Variants in TTLL7 observed in about 807,000 individuals in gnomAD.
The protein encoded by TTLL7 is tubulin tyrosine ligase like 7.
A neutral mutation model predicts 120.2 loss-of-function variants in TTLL7; 53 were observed. That is an observed-to-expected ratio of 0.44 (90% confidence interval 0.35 to 0.55). The LOEUF is 0.55. Among genes scored for constraint, TTLL7 ranks in the 20% least tolerant of loss-of-function variants. The pLI, the probability that TTLL7 is intolerant of heterozygous loss-of-function variation, is 0.00. For synonymous variants in TTLL7, 353 were observed against 351.7 expected (o/e 1.00, Z -0.04); for missense variants, 803 against 1,054.7 (o/e 0.76, Z 3.31).
chr1:83,918,890 T>C (rs1413921878), intron 13 of TTLL7, among the ~76,000 whole-genome samples: 4 of 152,128 alleles, frequency 2.6e-5, no homozygotes, highest in Admixed American at 1.3e-4. Flanking sequence ...AAGTCTAAAA[T>C]AGAGAGCTCC....
At chr1:83,990,974 CA>C (rs1652940656) in intron 1 of TTLL7, among the ~76,000 whole-genome samples, 1 of 152,144 alleles carries the variant, frequency 6.6e-6, no homozygotes, top group African/African-American at 2.4e-5. Flanking sequence ...AATGGATAAA[CA>C]AATGTGGTAC....
At chr1:83,971,923 A>C (rs988639342) in intron 1 of TTLL7, among the ~76,000 whole-genome samples, 1 of 148,780 alleles carries the variant, frequency 6.7e-6, no homozygotes. Flanking sequence ...AGGGCCAAAG[A>C]TTTTTCATAT....
chr1:83,947,120 C>T lies in TTLL7; in HGVS notation c.506+4G>A. 1 of 1,565,058 alleles carries T rather than the reference C, an allele frequency of 6.4e-7. No homozygotes were observed. The highest frequency in any genetic ancestry group is 2.3e-5 in the East Asian group (1 of 43,406). ...TTATATATTCCAAATAAAAGCAAAC[C>T]TACCCATGACCCATTGCACCATTAG... is the stretch of plus-strand genomic sequence containing the variant. On this transcript the variant is annotated splice_donor_region_variant and intron_variant, in intron 6 of 20. Coordinates refer to ENST00000260505, the MANE Select transcript of TTLL7 (RefSeq NM_024686.6).
At chr1:83,906,247 C>T (rs972168509) in intron 17 of TTLL7, 82 bp downstream of exon 17, 42 of 1,184,494 alleles carry the variant, frequency 3.5e-5, no homozygotes, top group Non-Finnish European at 4.7e-5. Flanking sequence ...GAGCATAATG[C>T]CTTCAGGAAA....
chr1:83,900,369 T>C (rs1473911263), intron 18 of TTLL7, among the ~76,000 whole-genome samples: 3 of 151,946 alleles, frequency 2.0e-5, no homozygotes, highest in African/African-American at 7.2e-5. Context: ...ATCCATAAAT[T>C]TCTCAAGGGA....
At chr1:83,928,485 G>T (rs988548801) in intron 10 of TTLL7, among the ~76,000 whole-genome samples, 1 of 152,014 alleles carries the variant, frequency 6.6e-6, no homozygotes, top group Admixed American at 6.6e-5. Context: ...CCACATAACA[G>T]CATTTCAAAT....
Position 83,937,984 on chromosome 1 carries a change from G to A in TTLL7, c.756C>T (p.Ser252=), listed in dbSNP as rs150247543. The A allele has an allele frequency of 2.7e-5, 43 of 1,613,826 alleles. No individual in the cohort carries two copies. Among genetic ancestry groups the A allele is most frequent in the African/African-American group, 2.4e-4 (18 of 74,898 alleles). The change falls in exon 8 of 21, where the codon TCC becomes TCT. Residue 252 remains serine (S), a synonymous_variant. Coordinates refer to ENST00000260505, the MANE Select transcript of TTLL7 (RefSeq NM_024686.6). The part of the protein sequence containing the change: ...TQLYMHLTNY[S]VNKHNEHFER... ...CAAAATGCTCATTATGCTTGTTCAC[G>A]GAGTAGTTTGTCAGATGCATGTATA...
intron 10 of TTLL7, among the ~76,000 whole-genome samples, chr1:83,923,912 T>A (rs1375609476): frequency 1.3e-5 from 2 of 152,186 alleles, no homozygotes; most frequent in African/African-American, 4.8e-5. Flanking sequence ...TATAATTCCA[T>A]CCAAGGGATT....
chr1:83,996,055 G>A (rs1259450834), intron 1 of TTLL7, among the ~76,000 whole-genome samples: 3 of 151,888 alleles, frequency 2.0e-5, no homozygotes, highest in South Asian at 4.2e-4. Flanking sequence ...TTAAAACTAC[G>A]CATGAAAAAA....
Position 83,869,825 on chromosome 1 carries a change from G to T in TTLL7, c.*137C>A. On this transcript the variant is annotated 3_prime_UTR_variant, in exon 21 of 21. Transcript: ENST00000260505. ...AAATATATGTTATTAGGGTGCATATGTGCATATATTTTCACACATATATAT... is the reference window on the plus strand; with the variant it reads ...AAATATATGTTATTAGGGTGCATATTTGCATATATTTTCACACATATATAT... 1.3e-6 allele frequency: 1 copy of T among 757,314 alleles called. No homozygotes were observed. Among genetic ancestry groups the T allele is most frequent in the Non-Finnish European group, 2.0e-6 (1 of 500,230 alleles). The allele number at this position is 757,314 out of a possible 1,614,324, so 46.9% of individuals were successfully genotyped here.
At chr1:83,898,045 A>T (rs1486891824) in intron 18 of TTLL7, among the ~76,000 whole-genome samples, 1 of 151,876 alleles carries the variant, frequency 6.6e-6, no homozygotes, top group Non-Finnish European at 1.5e-5. Context: ...AAACAGATAC[A>T]TTTTTGTAAT....
chr1:83,907,652 C>T lies in TTLL7; in HGVS notation c.1796G>A (p.Arg599Lys), dbSNP rs1440218532. Residue 599 changes from arginine to lysine, a missense_variant, in exon 16 of 21, where the codon AGA becomes AAA. Arg to Lys is a conservative substitution (Grantham distance 26). Transcript: ENST00000260505. ...GGACCGAGGGCAGCTGACTGAACGT[C>T]TTATGGAGCCTATCAGTGATGGAGA... The part of the protein sequence containing the change: ...YKLIQQPSSI[R>K]RSVSCPRSIS... The T allele has an allele frequency of 1.9e-6, 3 of 1,612,462 alleles. No individual in the cohort carries two copies. The highest frequency in any genetic ancestry group is 2.5e-6 in the Non-Finnish European group (3 of 1,179,216).
chr1:83,966,853 A>G (rs1323570035), intron 1 of TTLL7, among the ~76,000 whole-genome samples: 2 of 152,134 alleles, frequency 1.3e-5, no homozygotes, highest in Non-Finnish European at 2.9e-5. Flanking sequence ...GCTGAAAGAA[A>G]AACCCAGAAA....
intron 7 of TTLL7, among the ~76,000 whole-genome samples, chr1:83,938,804 AAT>A (rs1647658768): frequency 6.6e-6 from 1 of 152,206 alleles, no homozygotes; most frequent in Admixed American, 6.5e-5. Flanking sequence ...ATCTATCTTT[AAT>A]TCCTACCCTC....
intron 18 of TTLL7, among the ~76,000 whole-genome samples, chr1:83,891,124 A>T (rs981218836): frequency 1.3e-5 from 2 of 152,108 alleles, no homozygotes; most frequent in African/African-American, 4.8e-5. Context: ...ATAGATTTTG[A>T]TTATATAAAA....
chr1:83,996,995 A>T (rs1011505746), intron 1 of TTLL7, among the ~76,000 whole-genome samples: 6 of 152,168 alleles, frequency 3.9e-5, no homozygotes, highest in Non-Finnish European at 8.8e-5. Flanking sequence ...TATAGGTTAT[A>T]GCCATGTAAA....
At chr1:83,980,061 A>G (rs995568356) in intron 1 of TTLL7, 6 of 152,248 alleles carry the variant, frequency 3.9e-5, no homozygotes, top group South Asian at 2.1e-4. Context: ...ACTAAAACAT[A>G]TATGTAAAGG....
intron 20 of TTLL7, among the ~76,000 whole-genome samples, chr1:83,882,150 AATGGGTGCAACACACCAGC>A (rs926234212): frequency 1.2e-4 from 18 of 151,250 alleles, no homozygotes; most frequent in Non-Finnish European, 2.4e-4. Context: ...ATGACGAGTT[AATGGGTGCAACACACCAGC>A]ATGGCACATG....
At chr1:83,963,668 G>T (rs886831832) in intron 1 of TTLL7, among the ~76,000 whole-genome samples, 1 of 152,078 alleles carries the variant, frequency 6.6e-6, no homozygotes, top group Non-Finnish European at 1.5e-5. Flanking sequence ...CTAGGTAGCA[G>T]CTTTTAAAGT....
Sources: gnomAD v4.1 joint callset for allele counts (sites outside exome capture counted in the v4.1 genomes callset) on GRCh38, gnomAD v4.1.1 for gene constraint, MANE v1.5 for transcripts, NCBI Gene and HGNC (gene_info 2026-07-23, HGNC 2026-07-21) for gene names.